The following SLC6A2 variants were observed in gnomAD, a reference collection of about 807,000 sequenced individuals.
The protein encoded by SLC6A2 is sodium-dependent noradrenaline transporter.
Under a neutral mutation model 71.7 loss-of-function variants are expected in SLC6A2, and 26 were observed. The observed-to-expected ratio is 0.36, with a 90% CI of 0.27 to 0.50. The LOEUF (loss-of-function observed/expected upper bound fraction) is 0.50, where lower values mean the gene tolerates loss of function less well. Ranked by LOEUF, SLC6A2 falls within the 20% of genes least tolerant of loss-of-function variation. SLC6A2 has a pLI of 0.96. For missense variants in SLC6A2, 581 were observed against 803.9 expected (o/e 0.72, Z 3.35); for synonymous variants, 363 against 337.9 (o/e 1.07, Z -0.82).
chr16:55,700,515 A>G (rs887423778), intron 13 of SLC6A2, among the ~76,000 whole-genome samples: 16 of 152,194 alleles, frequency 1.1e-4, no homozygotes, highest in Non-Finnish European at 2.1e-4. Context: ...ACCCCAAAAC[A>G]AAAAAGAAGT....
chr16:55,692,477 T>TA (rs2142587607), intron 6 of SLC6A2, among the ~76,000 whole-genome samples: 2 of 152,238 alleles, frequency 1.3e-5, no homozygotes, highest in Admixed American at 1.3e-4. Context: ...AGGATAGTCT[T>TA]AGCCACCAGG....
At chr16:55,671,376 A>T (rs1964905381) in intron 3 of SLC6A2, among the ~76,000 whole-genome samples, 1 of 151,966 alleles carries the variant, frequency 6.6e-6, no homozygotes, top group South Asian at 2.1e-4. Flanking sequence ...TGGGCAGGGG[A>T]GCTCCAGTGG....
At chr16:55,668,096 C>T (rs1011406930) in intron 2 of SLC6A2, among the ~76,000 whole-genome samples, 2 of 151,968 alleles carry the variant, frequency 1.3e-5, no homozygotes, top group African/African-American at 2.4e-5. Flanking sequence ...TCTGCCCTGC[C>T]CCCCACCACT....
chr16:55,702,744 T>C lies in SLC6A2; in HGVS notation c.*398T>C, dbSNP rs2397773. On this transcript the variant is annotated 3_prime_UTR_variant, in exon 15 of 15. Coordinates refer to ENST00000568943, the MANE Select transcript of SLC6A2 (RefSeq NM_001172501.3). ...GGATGGGCTTTTGATCAGATACCCCTCCCAAAAAAAAAAAAAACTAAAACT... is the reference window on the plus strand; with the variant it reads ...GGATGGGCTTTTGATCAGATACCCCCCCCAAAAAAAAAAAAAACTAAAACT... 0.054 allele frequency: 34,733 copies of C among 644,440 alleles called. 2,100 individuals carry two copies. The highest frequency in any genetic ancestry group is 0.39 in the African/African-American group (12,193 of 31,442). 39.9% of individuals were successfully genotyped at this position (644,440 alleles called of 1,614,324 possible). A position where few individuals can be genotyped will look rare whatever the true frequency, so the allele number is the denominator to read the frequency against.
chr16:55,696,476 C>A, intron 9 of SLC6A2, 139 bp downstream of exon 9: 24 of 683,442 alleles, frequency 3.5e-5, no homozygotes, highest in Middle Eastern at 4.0e-4. Flanking sequence ...TATTTAAATG[C>A]AGACAAAAAA....
intron 7 of SLC6A2, 32 bp downstream of exon 7, chr16:55,694,145 T>A: frequency 7.1e-7 from 1 of 1,406,358 alleles, no homozygotes; most frequent in Non-Finnish European, 1.0e-6. Context: ...TGAGAAGCTC[T>A]AAATCCTGGG....
chr16:55,665,578 AGC>A (rs1964726716), intron 2 of SLC6A2, among the ~76,000 whole-genome samples: 1 of 151,504 alleles, frequency 6.6e-6, no homozygotes, highest in African/African-American at 2.4e-5. Flanking sequence ...GTGTCAGGGG[AGC>A]CTCTCTCCTT....
chr16:55,657,340 T>A (rs1964486259), intron 2 of SLC6A2, among the ~76,000 whole-genome samples: 1 of 151,972 alleles, frequency 6.6e-6, no homozygotes, highest in Admixed American at 6.5e-5. Context: ...GATGGTCTGC[T>A]GGAAGGGAGG....
intron 9 of SLC6A2, among the ~76,000 whole-genome samples, 157 bp from the exon 10 acceptor site, chr16:55,697,740 G>A (rs551339560): frequency 2.6e-5 from 4 of 152,250 alleles, no homozygotes; most frequent in Admixed American, 6.5e-5. Flanking sequence ...GAAATGTGAC[G>A]AGAGGATGGG....
chr16:55,695,685 C>G (rs914874112), intron 8 of SLC6A2, among the ~76,000 whole-genome samples: 3 of 152,204 alleles, frequency 2.0e-5, no homozygotes, highest in Non-Finnish European at 2.9e-5. Context: ...CTTGACATAC[C>G]TCCACTTAGT....
chr16:55,676,044 C>G (rs935494144), intron 4 of SLC6A2, among the ~76,000 whole-genome samples: 1 of 152,210 alleles, frequency 6.6e-6, no homozygotes, highest in Non-Finnish European at 1.5e-5. Flanking sequence ...CAATGGTTCA[C>G]TGCAGAGAAT....
intron 2 of SLC6A2, among the ~76,000 whole-genome samples, chr16:55,662,031 T>A (rs1964623814): frequency 6.6e-6 from 1 of 152,208 alleles, no homozygotes; most frequent in East Asian, 1.9e-4. Flanking sequence ...TCAGCTCAGA[T>A]GCACAATGAG....
chr16:55,682,926 A>G (rs771762450), intron 4 of SLC6A2, among the ~76,000 whole-genome samples: 3 of 152,162 alleles, frequency 2.0e-5, no homozygotes, highest in Non-Finnish European at 4.4e-5. Flanking sequence ...CTCCCATGCT[A>G]CGATACAAGC....
chr16:55,664,530 C>A (rs1334562818), intron 2 of SLC6A2, among the ~76,000 whole-genome samples: 4 of 152,172 alleles, frequency 2.6e-5, no homozygotes, highest in Non-Finnish European at 5.9e-5. Context: ...CACAAGACAG[C>A]CTTTACTTCC....
In SLC6A2 at chr16:55,705,550, G is replaced by T. The variant is rs1037283932; in HGVS notation, c.*3204G>T. On this transcript the variant is annotated 3_prime_UTR_variant, in exon 15 of 15. Transcript: ENST00000568943. ...CTTGGGTCTGCAGCTGACTAGCTGG[G>T]TGGCCTGGGGATAGTGGCTTCATCT... 1 of 349,902 alleles carries T rather than the reference G, an allele frequency of 2.9e-6. No homozygotes were observed. The highest frequency in any genetic ancestry group is 5.1e-6 in the Non-Finnish European group (1 of 194,982). The allele number at this position is 349,902 out of a possible 1,614,324, so 21.7% of individuals were successfully genotyped here.
intron 3 of SLC6A2, 168 bp from the exon 4 acceptor site, chr16:55,671,770 T>C: frequency 2.8e-6 from 4 of 1,409,344 alleles, no homozygotes; most frequent in Admixed American, 2.7e-5. Flanking sequence ...TGTGGAAAAA[T>C]TGTCTTCCAT....
intron 12 of SLC6A2, 110 bp downstream of exon 12, chr16:55,699,764 C>T: frequency 2.5e-6 from 2 of 814,370 alleles, no homozygotes; most frequent in Non-Finnish European, 4.2e-6. Flanking sequence ...GATCCAGAGG[C>T]CCTGGTCATG....
chr16:55,659,344 G>C (rs1382783644), intron 2 of SLC6A2, among the ~76,000 whole-genome samples: 1 of 152,180 alleles, frequency 6.6e-6, no homozygotes, highest in Non-Finnish European at 1.5e-5. Context: ...GTGCTCTTTA[G>C]TCATTGCCAG....
At chr16:55,670,322 G>T (rs1040243685) in intron 3 of SLC6A2, among the ~76,000 whole-genome samples, 1 of 152,252 alleles carries the variant, frequency 6.6e-6, no homozygotes, top group East Asian at 1.9e-4. Flanking sequence ...CCTCTTCTCC[G>T]CTGGCACGTG....
Sources: gnomAD v4.1 joint callset for allele counts (sites outside exome capture counted in the v4.1 genomes callset) on GRCh38, gnomAD v4.1.1 for gene constraint, MANE v1.5 for transcripts, NCBI Gene and HGNC (gene_info 2026-07-23, HGNC 2026-07-21) for gene names.